The following ACBD6 variants were observed in gnomAD, a reference collection of about 807,000 sequenced individuals.
ACBD6 encodes acyl-CoA binding domain containing 6, also known as acyl-CoA-binding domain-containing protein 6.
ACBD6 carries 28 observed loss-of-function variants against 37.2 expected under a neutral mutation model. The ratio of observed to expected loss-of-function variants is 0.75; its 90% confidence interval spans 0.56 to 1.03. ACBD6 has a LOEUF of 1.03. ACBD6 is among the 50% of genes least tolerant of loss of function. ACBD6 has a pLI of 0.00. For synonymous variants in ACBD6, 113 were observed against 126.8 expected, an observed-to-expected ratio of 0.89 and a Z score of 0.73; for missense variants, 340 against 337.4, an observed-to-expected ratio of 1.01 and a Z score of -0.06.
chr1:180,297,412 C>T (rs1034700400), intron 7 of ACBD6, among the ~76,000 whole-genome samples: 2 of 152,112 alleles, frequency 1.3e-5, no homozygotes, highest in African/African-American at 2.4e-5. Flanking sequence ...AAAATCAGAG[C>T]ATTTGTGAAT....
At chr1:180,293,822 T>C (rs115850769) in intron 7 of ACBD6, among the ~76,000 whole-genome samples, 1,734 of 152,246 alleles carry the variant, frequency 0.011, 40 homozygotes, top group African/African-American at 0.039. Flanking sequence ...CATAGTGCAG[T>C]GCAGTGTTGA....
chr1:180,434,858 A>C (rs1648956541), intron 3 of ACBD6: 1 of 752,928 alleles, frequency 1.3e-6, no homozygotes, highest in Admixed American at 1.7e-5. Context: ...GTCTTCACCA[A>C]GGGTTATGGA....
At chr1:180,406,446 A>G (rs1202958692) in intron 5 of ACBD6, among the ~76,000 whole-genome samples, 1 of 152,142 alleles carries the variant, frequency 6.6e-6, no homozygotes, top group African/African-American at 2.4e-5. Context: ...TAAATGAATA[A>G]AAGATGTACA....
chr1:180,464,859 T>C (rs1449438195), intron 3 of ACBD6, among the ~76,000 whole-genome samples: 1 of 152,030 alleles, frequency 6.6e-6, no homozygotes, highest in Admixed American at 6.5e-5. Context: ...TGGAACCGAA[T>C]AGAGAGCCCA....
At chr1:180,415,602 T>C (rs1203914737) in intron 4 of ACBD6, among the ~76,000 whole-genome samples, 1 of 152,146 alleles carries the variant, frequency 6.6e-6, no homozygotes, top group African/African-American at 2.4e-5. Context: ...TACTCGCCAA[T>C]TGTTTCTGAA....
At chr1:180,449,844 T>C (rs1429335518) in intron 3 of ACBD6, among the ~76,000 whole-genome samples, 16 of 150,154 alleles carry the variant, frequency 1.1e-4, no homozygotes, top group African/African-American at 3.7e-4. Flanking sequence ...CAAACCAACA[T>C]GACACATGTT....
chr1:180,496,913 TGAA>T (rs77308525), intron 1 of ACBD6, among the ~76,000 whole-genome samples: 19,357 of 152,026 alleles, frequency 0.13, 1,773 homozygotes, highest in East Asian at 0.36. Flanking sequence ...ATTTTATAAA[TGAA>T]GAGAGAAGCT....
chr1:180,331,102 A>G (rs535376719), intron 6 of ACBD6, among the ~76,000 whole-genome samples: 6 of 152,306 alleles, frequency 3.9e-5, no homozygotes, highest in African/African-American at 1.2e-4. Flanking sequence ...TGTGGGGTCT[A>G]TCTTGGCTTA....
At chr1:180,441,230 T>G (rs1478559260) in intron 3 of ACBD6, among the ~76,000 whole-genome samples, 1 of 152,196 alleles carries the variant, frequency 6.6e-6, no homozygotes, top group African/African-American at 2.4e-5. Flanking sequence ...GCGGACACCC[T>G]ACTGGGTATG....
intron 3 of ACBD6, among the ~76,000 whole-genome samples, chr1:180,455,623 A>C (rs1157947784): frequency 6.6e-6 from 1 of 152,170 alleles, no homozygotes; most frequent in African/African-American, 2.4e-5. Flanking sequence ...TTTGCTGAAA[A>C]ATTCACTCTG....
intron 3 of ACBD6, among the ~76,000 whole-genome samples, chr1:180,437,005 T>A (rs1649065380): frequency 6.6e-6 from 1 of 152,148 alleles, no homozygotes; most frequent in Non-Finnish European, 1.5e-5. Context: ...TTAAAGGATA[T>A]AAAATCAAGC....
intron 7 of ACBD6, among the ~76,000 whole-genome samples, chr1:180,305,175 G>T (rs1249631982): frequency 6.6e-6 from 1 of 152,142 alleles, no homozygotes; most frequent in African/African-American, 2.4e-5. Context: ...ATACCATTCA[G>T]GACATAGGCA....
rs1442885921 is a variant in ACBD6 at position 180,492,326 on chromosome 1, T to C, written c.327A>G (p.Gln109=). The change falls in exon 3 of 8, where the codon CAA becomes CAG. Residue 109 remains glutamine, a synonymous_variant. Coordinates refer to ENST00000367595, the MANE Select transcript of ACBD6 (RefSeq NM_032360.4). The part of the protein sequence containing the change: ...WKALGDSSPS[Q]AMQEYIAVVK... ...CTACTGCGATATATTCCTGCATTGC[T>C]TGGCTGGGGCTTGAATCACCAAGTG... is the stretch of plus-strand genomic sequence containing the variant. 6.2e-7 allele frequency: 1 copy of C among 1,613,986 alleles called. No homozygotes were observed. The highest frequency in any genetic ancestry group is 1.3e-5 in the African/African-American group (1 of 74,912).
intron 5 of ACBD6, among the ~76,000 whole-genome samples, chr1:180,408,687 A>G (rs1647728470): frequency 6.6e-6 from 1 of 152,132 alleles, no homozygotes; most frequent in Admixed American, 6.6e-5. Context: ...AATAAAATAA[A>G]AAAGTTGTGA....
At chr1:180,363,298 A>G (rs1053295981) in intron 6 of ACBD6, among the ~76,000 whole-genome samples, 5 of 152,228 alleles carry the variant, frequency 3.3e-5, no homozygotes, top group Non-Finnish European at 7.3e-5. Flanking sequence ...CATTATGTAC[A>G]AAATAAATTT....
intron 6 of ACBD6, among the ~76,000 whole-genome samples, chr1:180,364,574 T>C (rs1021560271): frequency 3.9e-5 from 6 of 152,198 alleles, no homozygotes; most frequent in African/African-American, 1.2e-4. Context: ...GTAGGAGAAA[T>C]TTCTAATAAT....
intron 3 of ACBD6, among the ~76,000 whole-genome samples, chr1:180,482,509 T>TA (rs11377292): frequency 0.07 from 9,875 of 140,356 alleles, 855 homozygotes; most frequent in East Asian, 0.35. Context: ...TCTAAGAAGT[T>TA]AAAAAAAAAA....
At chr1:180,359,971 T>A (rs915533492) in intron 6 of ACBD6, among the ~76,000 whole-genome samples, 20 of 152,324 alleles carry the variant, frequency 1.3e-4, no homozygotes, top group Middle Eastern at 3.4e-3. Flanking sequence ...AAAATAATTT[T>A]AAAAAATCAG....
chr1:180,457,727 A>T (rs1015462781), intron 3 of ACBD6, among the ~76,000 whole-genome samples: 1 of 152,128 alleles, frequency 6.6e-6, no homozygotes, highest in Non-Finnish European at 1.5e-5. Context: ...ATATAAAGAC[A>T]TATAGGCATA....
Sources: allele counts gnomAD v4.1 joint callset (sites outside exome capture counted in the v4.1 genomes callset), GRCh38; gene constraint gnomAD v4.1.1; transcripts MANE v1.5; gene names NCBI Gene and HGNC (gene_info 2026-07-23, HGNC 2026-07-21).